ADAMTS16: variants seen among roughly 807,000 people sequenced by gnomAD.
ADAMTS16 encodes ADAM metallopeptidase with thrombospondin type 1 motif 16.
Under a neutral mutation model 145.8 loss-of-function variants are expected in ADAMTS16, and 94 were observed. That is an observed-to-expected ratio of 0.64 (90% CI 0.55 to 0.77). The LOEUF (loss-of-function observed/expected upper bound fraction) is 0.77. ADAMTS16 is among the 30% of genes least tolerant of loss of function. The probability of loss-of-function intolerance (pLI) is 0.00; values close to 1 mark genes in which losing one functional copy is unlikely to be tolerated. For missense variants in ADAMTS16, 1,585 were observed against 1,591.5 expected (o/e 1.00, Z 0.07); for synonymous variants, 659 against 604.3 (o/e 1.09, Z -1.33).
intron 10 of ADAMTS16, among the ~76,000 whole-genome samples, chr5:5,213,073 T>C (rs1484392066): frequency 6.6e-6 from 1 of 152,228 alleles, no homozygotes; most frequent in Admixed American, 6.5e-5. Flanking sequence ...AATCCATGCA[T>C]CCCTCTTCCT....
intron 3 of ADAMTS16, among the ~76,000 whole-genome samples, chr5:5,157,889 G>A (rs1734641057): frequency 6.6e-6 from 1 of 152,172 alleles, no homozygotes; most frequent in Non-Finnish European, 1.5e-5. Flanking sequence ...GGAACTTCCA[G>A]CAAAAGTGGG....
chr5:5,314,121 C>A (rs1186622758), intron 21 of ADAMTS16, among the ~76,000 whole-genome samples: 2 of 152,128 alleles, frequency 1.3e-5, no homozygotes, highest in East Asian at 3.9e-4. Context: ...GCCATCCCAT[C>A]CTGAAATGAG....
intron 10 of ADAMTS16, among the ~76,000 whole-genome samples, chr5:5,219,419 A>G (rs1300793980): frequency 6.6e-6 from 1 of 152,176 alleles, no homozygotes; most frequent in Non-Finnish European, 1.5e-5. Context: ...GCCTCCGGTA[A>G]CTATCATTCC....
chr5:5,230,242 G>A (rs185759314), intron 11 of ADAMTS16, among the ~76,000 whole-genome samples: 1 of 152,304 alleles, frequency 6.6e-6, no homozygotes, highest in Admixed American at 6.5e-5. Flanking sequence ...TCAAGGGAGA[G>A]TTTGAATGTG....
At chr5:5,144,139 A>G (rs540819533) in intron 2 of ADAMTS16, among the ~76,000 whole-genome samples, 18 of 151,816 alleles carry the variant, frequency 1.2e-4, no homozygotes, top group South Asian at 4.2e-4. Context: ...AAAAAAATCA[A>G]TGGTCACATG....
chr5:5,268,329 C>G (rs528092241), intron 18 of ADAMTS16, among the ~76,000 whole-genome samples: 1 of 152,194 alleles, frequency 6.6e-6, no homozygotes, highest in Admixed American at 6.5e-5. Context: ...TCAGGAGCTC[C>G]CCTGGGAGGA....
chr5:5,239,460 A>G (rs1242304074), intron 15 of ADAMTS16, among the ~76,000 whole-genome samples, 186 bp downstream of exon 15: 1 of 152,170 alleles, frequency 6.6e-6, no homozygotes, highest in Admixed American at 6.5e-5. Flanking sequence ...GTTATTTGCA[A>G]TAAAATTGTT....
intron 10 of ADAMTS16, among the ~76,000 whole-genome samples, chr5:5,220,481 A>G (rs1248175970): frequency 6.6e-6 from 1 of 151,946 alleles, no homozygotes; most frequent in African/African-American, 2.4e-5. Flanking sequence ...TTTAAAACAC[A>G]CTTTACCTTG....
At position 5,302,480 on chromosome 5, in the gene ADAMTS16, C is replaced by T. The variant is rs554349440; in HGVS notation, c.2790-788C>T. Among the ~76,000 whole-genome samples, 3 of 152,196 alleles carry T rather than the reference C, an allele frequency of 2.0e-5. No homozygotes were observed. In the East Asian group the frequency reaches 5.8e-4, roughly 29 times the overall value. On this transcript the variant is annotated intron_variant, in intron 18 of 22. Coordinates refer to ENST00000274181, the MANE Select transcript of ADAMTS16 (RefSeq NM_139056.4). ...CACTAAAGAATGAAAAGATAGAGGA[C>T]AGAGAAACACAAGAACCAACACCAC... is the stretch of plus-strand genomic sequence containing the variant.
chr5:5,155,908 G>A (rs1334339348), intron 3 of ADAMTS16, among the ~76,000 whole-genome samples: 1 of 152,138 alleles, frequency 6.6e-6, no homozygotes, highest in Admixed American at 6.5e-5. Flanking sequence ...AAGCCCACTG[G>A]GATGGACAGG....
rs1240515872 is a variant in ADAMTS16, at chr5:5,242,093, A to T, written c.2564A>T (p.Tyr855Phe). 3 of 1,613,792 alleles carry T rather than the reference A, an allele frequency of 1.9e-6. No individual in the cohort carries two copies. The highest frequency in any genetic ancestry group is 3.3e-5 in the Admixed American group (2 of 59,976). ...QGRNPGVAWE[Y>F]SMPRLGTEKQ... ...AGGAACCCGGGTGTTGCCTGGGAAT[A>T]CTCCATGCCTCGCTTGGGGACCGAG... Residue 855 changes from tyrosine to phenylalanine, a missense_variant, in exon 17 of 23, where the codon TAC (tyrosine) becomes TTC (phenylalanine). Physicochemically the swap from Tyr to Phe is conservative, Grantham distance 22. Transcript: ENST00000274181.
intron 21 of ADAMTS16, among the ~76,000 whole-genome samples, chr5:5,312,778 T>G (rs1740512357): frequency 6.6e-6 from 1 of 152,216 alleles, no homozygotes; most frequent in Non-Finnish European, 1.5e-5. Context: ...TGTTTTCTTC[T>G]GAGTCTGCTG....
intron 17 of ADAMTS16, 77 bp downstream of exon 17, chr5:5,242,268 T>C: frequency 4.5e-6 from 7 of 1,550,176 alleles, no homozygotes; most frequent in Non-Finnish European, 6.1e-6. Context: ...TGGCCTTTCT[T>C]GAATCCTAAT....
chr5:5,274,944 TAATAATTAA>T (rs1738633139), intron 18 of ADAMTS16, among the ~76,000 whole-genome samples: 1 of 152,168 alleles, frequency 6.6e-6, no homozygotes, highest in African/African-American at 2.4e-5. Flanking sequence ...AACTGTCCCC[TAATAATTAA>T]AACCGTGGCA....
chr5:5,267,925 C>T (rs540289722), intron 18 of ADAMTS16, among the ~76,000 whole-genome samples: 2 of 152,170 alleles, frequency 1.3e-5, no homozygotes, highest in East Asian at 1.9e-4. Flanking sequence ...GGATGAGAAT[C>T]GTGCCTGGCT....
At chr5:5,231,936 A>G (rs1736937771) in intron 11 of ADAMTS16, among the ~76,000 whole-genome samples, 1 of 152,090 alleles carries the variant, frequency 6.6e-6, no homozygotes, top group Admixed American at 6.5e-5. Flanking sequence ...CAAGGTGTTG[A>G]GCCATGTGGA....
intron 18 of ADAMTS16, among the ~76,000 whole-genome samples, chr5:5,263,931 G>A (rs1210466629): frequency 1.3e-5 from 2 of 152,128 alleles, no homozygotes; most frequent in Non-Finnish European, 1.5e-5. Context: ...AGGATGGTGA[G>A]GGCGGAGAAT....
At chr5:5,149,988 T>C (rs1224676158) in intron 3 of ADAMTS16, among the ~76,000 whole-genome samples, 1 of 152,258 alleles carries the variant, frequency 6.6e-6, no homozygotes, top group East Asian at 1.9e-4. Context: ...AATGCTGCTA[T>C]GAACATTTGT....
At chr5:5,200,617 A>T (rs1293049109) in intron 9 of ADAMTS16, among the ~76,000 whole-genome samples, 1 of 152,208 alleles carries the variant, frequency 6.6e-6, no homozygotes, top group African/African-American at 2.4e-5. Context: ...ACATGTACAC[A>T]TCTGTATACA....
Sources: gnomAD v4.1 joint callset for allele counts (sites outside exome capture counted in the v4.1 genomes callset) on GRCh38, gnomAD v4.1.1 for gene constraint, MANE v1.5 for transcripts, NCBI Gene and HGNC (gene_info 2026-07-23, HGNC 2026-07-21) for gene names.